The following ZNF445 variants were observed in gnomAD, a reference collection of about 807,000 sequenced individuals.
ZNF445 encodes the protein zinc finger protein 168.
In ZNF445, 19 loss-of-function variants were observed where a neutral mutation model predicts 93.9. The ratio of observed to expected loss-of-function variants is 0.20; its 90% CI spans 0.14 to 0.30. The LOEUF (loss-of-function observed/expected upper bound fraction) is 0.30, where lower values mean the gene tolerates loss of function less well. Among genes scored for constraint, ZNF445 ranks in the 10% least tolerant of loss-of-function variants. The probability of loss-of-function intolerance (pLI) is 1.00; values close to 1 mark genes in which losing one functional copy is unlikely to be tolerated. For missense variants in ZNF445, 1,058 were observed against 1,259.4 expected (o/e 0.84, Z 2.42); for synonymous variants, 449 against 446.3 (o/e 1.01, Z -0.08).
rs781032930 is a variant in ZNF445, at chr3:44,432,273, C to CTGTG, written c.*14298_*14301dup. The CTGTG allele has an allele frequency of 0.13, 18,717 of 140,552 alleles. 1,318 individuals carry two copies. The highest frequency in any genetic ancestry group is 0.17 in the South Asian group (725 of 4,280). 8.7% of individuals were successfully genotyped at this position (140,552 alleles called of 1,614,324 possible). ...TCTACACTCATTTGTGTGTGTGTGT[C>CTGTG]TGTGTGTGTGTGTGTGTGTGTGTGT... On this transcript the variant is annotated 3_prime_UTR_variant, in exon 8 of 8. Transcript: ENST00000396077.
Position 44,446,824 on chromosome 3 carries a change from C to G in ZNF445, c.2847G>C (p.Glu949Asp). ...CTTCTTTGCAGTCTTCGAGGGGCAT[C>G]TCTTCACTTGGTTTTAGCTTCTGTA... ...LRLQKLKPSE[E>D]MPLEDCKEAC... The change falls in exon 8 of 8, where the codon GAG becomes GAC. Residue 949 changes from glutamate to aspartate, a missense_variant. Glu to Asp is a conservative substitution (Grantham distance 45, BLOSUM62 2). This residue lies in a region of ZNF445 where 387 missense variants were observed against 475.7 expected (regional missense o/e 0.81). Coordinates refer to ENST00000396077, the MANE Select transcript of ZNF445 (RefSeq NM_181489.6). This position sits in a 1 kb window ranked among gnomAD's most constrained non-coding sequence, Gnocchi z 4.2. 6.2e-7 allele frequency: 1 copy of G among 1,614,208 alleles called. No individual in the cohort carries two copies. The highest frequency in any genetic ancestry group is 8.5e-7 in the Non-Finnish European group (1 of 1,180,044).
chr3:44,460,370 G>A (rs1200808916), intron 1 of ZNF445, among the ~76,000 whole-genome samples: 2 of 152,124 alleles, frequency 1.3e-5, no homozygotes, highest in African/African-American at 2.4e-5. Context: ...TCTTGCCTGG[G>A]GACTAGATTG....
chr3:44,433,548 G>A lies in ZNF445; in HGVS notation c.*13027C>T, dbSNP rs1233674569. The A allele has an allele frequency of 6.6e-6, 1 of 152,328 alleles. No individual in the cohort carries two copies. Among genetic ancestry groups the A allele is most frequent in the East Asian group, 1.9e-4 (1 of 5,180 alleles). The allele number at this position is 152,328 out of a possible 1,614,324, so 9.4% of individuals were successfully genotyped here. ...CCCATGTTCTATTTCCAGAACCCAC[G>A]TCAGGCCATTACTGGGGGGTCTGAT... On this transcript the variant is annotated 3_prime_UTR_variant, in exon 8 of 8. Transcript: ENST00000396077.
At chr3:44,457,668 A>C (rs1300262296) in intron 2 of ZNF445, among the ~76,000 whole-genome samples, 1 of 152,116 alleles carries the variant, frequency 6.6e-6, no homozygotes, top group African/African-American at 2.4e-5. Context: ...AAATAAGGAA[A>C]ACTGACCAAA....
intron 1 of ZNF445, among the ~76,000 whole-genome samples, chr3:44,476,950 T>G (rs989811634): frequency 1.3e-5 from 2 of 152,174 alleles, no homozygotes; most frequent in Non-Finnish European, 1.5e-5. Flanking sequence ...CCAGCACTAA[T>G]TTTAGCCAAA....
intron 1 of ZNF445, among the ~76,000 whole-genome samples, chr3:44,468,672 T>G (rs963539061): frequency 2.8e-5 from 1 of 35,752 alleles, no homozygotes; most frequent in Non-Finnish European, 5.9e-5. Context: ...CCCCCACCCC[T>G]CCACCCCCTC....
rs1697817070 is a variant in ZNF445 at position 44,441,936 on chromosome 3, T to C, written c.*4639A>G. On this transcript the variant is annotated 3_prime_UTR_variant, in exon 8 of 8. Coordinates refer to ENST00000396077, the MANE Select transcript of ZNF445 (RefSeq NM_181489.6). ...CTGTGCAAAACAATAACACTTTCTATATGTCCACAAGGCTTACATGCTAGA... is the reference window on the plus strand; with the variant it reads ...CTGTGCAAAACAATAACACTTTCTACATGTCCACAAGGCTTACATGCTAGA... The C allele has an allele frequency of 6.6e-6, 1 of 152,210 alleles. No individual in the cohort carries two copies. The highest frequency in any genetic ancestry group is 1.5e-5 in the Non-Finnish European group (1 of 68,046). The allele number at this position is 152,210 out of a possible 1,614,324, so 9.4% of individuals were successfully genotyped here. A position where few individuals can be genotyped will look rare whatever the true frequency, so the allele number is the denominator to read the frequency against.
Position 44,447,476 on chromosome 3 carries a change from G to A in ZNF445, c.2195C>T (p.Ala732Val). Residue 732 changes from alanine (A) to valine (V), a missense_variant, in exon 8 of 8, where the codon GCC becomes GTC. Transcript: ENST00000396077. The surrounding 1 kb of genome is among the most constrained non-coding windows in gnomAD (Gnocchi z 4.7). Reference protein sequence around the residue: ...SAFIVHKKKHAMKRKPEGGPS... With the variant: ...SAFIVHKKKHVMKRKPEGGPS... ...CCCGCCCTCAGGTTTTCTTTTCATG[G>A]CATGCTTCTTCTTATGAACAATAAA... The A allele has an allele frequency of 1.2e-6, 2 of 1,614,122 alleles. No individual in the cohort carries two copies. Among genetic ancestry groups the A allele is most frequent in the South Asian group, 1.1e-5 (1 of 91,074 alleles).
chr3:44,451,299 C>A lies in ZNF445; in HGVS notation c.598+15G>T. The A allele has an allele frequency of 6.2e-7, 1 of 1,610,676 alleles. No individual in the cohort carries two copies. Among genetic ancestry groups the A allele is most frequent in the East Asian group, 2.2e-5 (1 of 44,754 alleles). On this transcript the variant is annotated intron_variant, in intron 4 of 7. Transcript: ENST00000396077. ...GTGGCATAAGGCTGGGGTCTTAAGG[C>A]CAGGCAGCAAGTACCGGATTGCCCA... is the stretch of plus-strand genomic sequence containing the variant.
intron 1 of ZNF445, among the ~76,000 whole-genome samples, chr3:44,466,116 C>A (rs1698190811): frequency 6.6e-6 from 1 of 152,166 alleles, no homozygotes; most frequent in Non-Finnish European, 1.5e-5. Flanking sequence ...TGGCCTCAAG[C>A]TATCTTCACT....
rs577541965 is a variant in ZNF445, at chr3:44,460,013, G to C, written c.-268-1649C>G. ...GCCCAGGAATTCAAGACCAGCTTGG[G>C]CAACACAGCAAGACTCCGTTTCTAT... is the stretch of plus-strand genomic sequence containing the variant. On this transcript the variant is annotated intron_variant, in intron 1 of 7. Transcript: ENST00000396077. Among the ~76,000 whole-genome samples the C allele has an allele frequency of 3.3e-5, 5 of 152,182 alleles. No individual in the cohort carries two copies. The East Asian group carries it at 5.8e-4, about 18-fold the overall frequency.
At chr3:44,470,873 T>C (rs985273356) in intron 1 of ZNF445, among the ~76,000 whole-genome samples, 10 of 151,900 alleles carry the variant, frequency 6.6e-5, no homozygotes, top group African/African-American at 2.4e-4. Context: ...GTACAAACCA[T>C]GGCTTCAGCT....
At chr3:44,451,030 C>T (rs541546989) in intron 4 of ZNF445, 68 bp from the exon 5 acceptor site, 26 of 1,335,004 alleles carry the variant, frequency 1.9e-5, no homozygotes, top group African/African-American at 3.0e-5. Flanking sequence ...CCACTCTTCC[C>T]CCCAGTAGAG....
chr3:44,450,147 C>G (rs1377939445), intron 6 of ZNF445: 2 of 396,194 alleles, frequency 5.0e-6, no homozygotes, highest in Non-Finnish European at 9.5e-6. Flanking sequence ...CTATGTTGCC[C>G]AGACTGGTCT....
rs1215677120 is a variant in ZNF445, at chr3:44,440,860, G to C, written c.*5715C>G. 6.6e-6 allele frequency: 1 copy of C among 151,926 alleles called. No homozygotes were observed. Among genetic ancestry groups the C allele is most frequent in the East Asian group, 1.9e-4 (1 of 5,182 alleles). The allele number at this position is 151,926 out of a possible 1,614,324, so 9.4% of individuals were successfully genotyped here. A position where few individuals can be genotyped will look rare whatever the true frequency, so the allele number is the denominator to read the frequency against. On this transcript the variant is annotated 3_prime_UTR_variant, in exon 8 of 8. Coordinates refer to ENST00000396077, the MANE Select transcript of ZNF445 (RefSeq NM_181489.6). Reference sequence around the variant, plus strand: ...AGGTGTGAGCAATTACCAGAACTGAGGGTTCCTCTCCTTTTTAGACCATAT... The same window carrying C: ...AGGTGTGAGCAATTACCAGAACTGACGGTTCCTCTCCTTTTTAGACCATAT...
rs1010193668 is a variant in ZNF445 at position 44,434,558 on chromosome 3, T to C, written c.*12017A>G. On this transcript the variant is annotated 3_prime_UTR_variant, in exon 8 of 8. Coordinates refer to ENST00000396077, the MANE Select transcript of ZNF445 (RefSeq NM_181489.6). ...CCCTGTACACCAGGTCCAGTGACTA[T>C]AATGTCATCAATATAATGGACCAGT... The C allele has an allele frequency of 1.3e-5, 2 of 152,182 alleles. No homozygotes were observed. Among genetic ancestry groups the C allele is most frequent in the African/African-American group, 4.8e-5 (2 of 41,452 alleles). The allele number at this position is 152,182 out of a possible 1,614,324, so 9.4% of individuals were successfully genotyped here.
intron 1 of ZNF445, among the ~76,000 whole-genome samples, chr3:44,475,684 A>T (rs1250989654): frequency 6.6e-6 from 1 of 152,208 alleles, no homozygotes; most frequent in Non-Finnish European, 1.5e-5. Flanking sequence ...TATGCTAAAC[A>T]GTGACAGCTG....
In ZNF445 at chr3:44,460,830, T is replaced by C. The variant is rs887660042; in HGVS notation, c.-268-2466A>G. On this transcript the variant is annotated intron_variant, in intron 1 of 7. Coordinates refer to ENST00000396077, the MANE Select transcript of ZNF445 (RefSeq NM_181489.6). The stretch of plus-strand genomic sequence containing the variant: ...GCTCTGTCTAAGCAGCAGGCAAAGT[T>C]TACTCCTTGGGCGGTTACAAATTTG... Among the ~76,000 whole-genome samples, 3 of 152,190 alleles carry C rather than the reference T, an allele frequency of 2.0e-5. No homozygotes were observed. In the South Asian group the frequency reaches 6.2e-4, roughly 32 times the overall value.
At position 44,446,233 on chromosome 3, in the gene ZNF445, C is replaced by T. The variant is rs1172514123; in HGVS notation, c.*342G>A. On this transcript the variant is annotated 3_prime_UTR_variant, in exon 8 of 8. Coordinates refer to ENST00000396077, the MANE Select transcript of ZNF445 (RefSeq NM_181489.6). The surrounding 1 kb of genome is among the most constrained non-coding windows in gnomAD (Gnocchi z 4.2). ...TTTCCAGCAGCCATAGCCCATGATGCCACAGATATTCTGTCCAACCACAAA... is the reference window on the plus strand; with the variant it reads ...TTTCCAGCAGCCATAGCCCATGATGTCACAGATATTCTGTCCAACCACAAA... The T allele has an allele frequency of 7.1e-6, 2 of 282,920 alleles. No homozygotes were observed. Among genetic ancestry groups the T allele is most frequent in the East Asian group, 9.5e-5 (1 of 10,568 alleles). The allele number at this position is 282,920 out of a possible 1,614,324, so 17.5% of individuals were successfully genotyped here. A position where few individuals can be genotyped will look rare whatever the true frequency, so the allele number is the denominator to read the frequency against.
Sources: allele counts gnomAD v4.1 joint callset (sites outside exome capture counted in the v4.1 genomes callset), GRCh38; gene constraint gnomAD v4.1.1; regional missense constraint gnomAD v4.1.1; non-coding constraint Gnocchi (gnomAD v3.1); transcripts MANE v1.5; gene names NCBI Gene and HGNC (gene_info 2026-07-23, HGNC 2026-07-21).